CATSPERZ: variants seen among roughly 807,000 people sequenced by gnomAD.
The protein encoded by CATSPERZ is cation channel sperm-associated auxiliary subunit zeta.
A neutral mutation model predicts 21.7 loss-of-function variants in CATSPERZ; 21 were observed. The ratio of observed to expected loss-of-function variants is 0.97; its 90% CI spans 0.69 to 1.39. The LOEUF is 1.39. Among genes scored for constraint, CATSPERZ ranks in the 40% most tolerant of loss-of-function variants. The probability of loss-of-function intolerance (pLI) is 0.00; values close to 1 mark genes in which losing one functional copy is unlikely to be tolerated. For missense variants in CATSPERZ, 234 were observed against 259.5 expected (o/e 0.90, Z 0.68); for synonymous variants, 127 against 108.7 (o/e 1.17, Z -1.05).
intron 2 of CATSPERZ, among the ~76,000 whole-genome samples, chr11:64,302,968 C>T (rs948487978): frequency 5.1e-5 from 7 of 138,374 alleles, no homozygotes; most frequent in East Asian, 2.2e-4. Flanking sequence ...TGTACGATCT[C>T]GGCTCAGTGC....
chr11:64,300,608 G>A, intron 1 of CATSPERZ, 49 bp from the exon 2 acceptor site: 5 of 1,486,732 alleles, frequency 3.4e-6, no homozygotes, highest in Non-Finnish European at 4.5e-6. Flanking sequence ...CTTCCTTCCC[G>A]CTCCAGCCAT....
At chr11:64,304,221 T>G (rs650012) in intron 4 of CATSPERZ, among the ~76,000 whole-genome samples, 149,454 of 152,214 alleles carry the variant, frequency 0.98, 73,428 homozygotes, top group Middle Eastern at 1. Flanking sequence ...TTTGCTGCTG[T>G]GGTAGGAAAG....
Position 64,303,654 on chromosome 11 carries a change from G to A in CATSPERZ, c.432+93G>A. Reference sequence around the variant, plus strand: ...ATATGAAAGTTGGGGGTGGTTGGCAGGGTGGAGGGGCAGGCAGGCTGGTTG... The same window carrying A: ...ATATGAAAGTTGGGGGTGGTTGGCAAGGTGGAGGGGCAGGCAGGCTGGTTG... On this transcript the variant is annotated intron_variant, in intron 3 of 4. Coordinates refer to ENST00000328404, the MANE Select transcript of CATSPERZ (RefSeq NM_001039496.2). The A allele has an allele frequency of 2.0e-6, 3 of 1,477,598 alleles. No individual in the cohort carries two copies. The South Asian group carries it at 3.7e-5, about 18-fold the overall frequency. 91.5% of individuals were successfully genotyped at this position (1,477,598 alleles called of 1,614,324 possible).
chr11:64,300,562 T>A, intron 1 of CATSPERZ, 95 bp from the exon 2 acceptor site: 3 of 1,519,382 alleles, frequency 2.0e-6, no homozygotes, highest in Non-Finnish European at 2.7e-6. Context: ...TTCTACGGGA[T>A]CCCCAACCCG....
Position 64,300,692 on chromosome 11 carries a change from C to A in CATSPERZ, c.57C>A (p.Asp19Glu), listed in dbSNP as rs368010471. The A allele has an allele frequency of 1.9e-6, 3 of 1,545,534 alleles. No homozygotes were observed. The highest frequency in any genetic ancestry group is 1.2e-5 in the South Asian group (1 of 83,804). The change falls in exon 2 of 5, where the codon GAC (aspartate) becomes GAA (glutamate). Residue 19 changes from aspartate (D) to glutamate (E), a missense_variant. Transcript: ENST00000328404. The stretch of plus-strand genomic sequence containing the variant: ...AGTCTTCCGACCGCCAAGGCTCGGA[C>A]GAGGAGAGCGTGCATAGCGACACTC... ...SLKSSDRQGS[D>E]EESVHSDTRD...
At chr11:64,303,415 C>A in intron 2 of CATSPERZ, 67 bp from the exon 3 acceptor site, 1 of 1,326,034 alleles carries the variant, frequency 7.5e-7, no homozygotes, top group South Asian at 1.3e-5. Context: ...GGTGCCTACC[C>A]ATCTCCTGTG....
At chr11:64,300,468 C>G (rs1324642054) in intron 1 of CATSPERZ, 37 bp downstream of exon 1, 5 of 1,561,266 alleles carry the variant, frequency 3.2e-6, no homozygotes, top group African/African-American at 1.4e-5. Flanking sequence ...CCTGTCCGCT[C>G]CAACCCACCC....
intron 2 of CATSPERZ, 46 bp downstream of exon 2, chr11:64,301,033 C>T: frequency 2.8e-6 from 4 of 1,449,598 alleles, no homozygotes; most frequent in Non-Finnish European, 3.7e-6. Flanking sequence ...GGGCAATAAG[C>T]TGGCCAGGGA....
At chr11:64,300,556 A>G in intron 1 of CATSPERZ, 101 bp from the exon 2 acceptor site, 1 of 1,521,744 alleles carries the variant, frequency 6.6e-7, no homozygotes, top group Non-Finnish European at 8.9e-7. Flanking sequence ...CCCACGTTCT[A>G]CGGGATCCCC....
In CATSPERZ at chr11:64,304,706, G is replaced by C; in HGVS notation, c.*60G>C. The C allele has an allele frequency of 7.2e-7, 1 of 1,398,240 alleles. No homozygotes were observed. Among genetic ancestry groups the C allele is most frequent in the South Asian group, 1.2e-5 (1 of 80,482 alleles). 86.6% of individuals were successfully genotyped at this position (1,398,240 alleles called of 1,614,324 possible). A position where few individuals can be genotyped will look rare whatever the true frequency, so the allele number is the denominator to read the frequency against. On this transcript the variant is annotated 3_prime_UTR_variant, in exon 5 of 5. Coordinates refer to ENST00000328404, the MANE Select transcript of CATSPERZ (RefSeq NM_001039496.2). ...CAGCCCCGTGCCAGCCCGGTCCCCA[G>C]ACCCAAGCCTGACCCCATCCGAGTG...
At chr11:64,301,246 A>G (rs898451554) in intron 2 of CATSPERZ, among the ~76,000 whole-genome samples, 2 of 152,200 alleles carry the variant, frequency 1.3e-5, no homozygotes, top group African/African-American at 2.4e-5. Flanking sequence ...TAAATTGCGC[A>G]AAGACCCCGT....
In CATSPERZ at chr11:64,304,612, A is replaced by G; in HGVS notation, c.569A>G (p.Lys190Arg). ...KELQRYIEGL[K>R]KRRSKRLYVN ...CTGCAGCGATACATCGAAGGGCTCA[A>G]GAAGCGCCGGAGCAAGAGGCTGTAC... The change falls in exon 5 of 5, where the codon AAG becomes AGG. Residue 190 changes from lysine to arginine, a missense_variant. Physicochemically the swap from Lys to Arg is conservative, Grantham distance 26. Coordinates refer to ENST00000328404, the MANE Select transcript of CATSPERZ (RefSeq NM_001039496.2). 1 of 1,582,664 alleles carries G rather than the reference A, an allele frequency of 6.3e-7. No homozygotes were observed. The highest frequency in any genetic ancestry group is 8.6e-7 in the Non-Finnish European group (1 of 1,165,232).
At position 64,304,588 on chromosome 11, in the gene CATSPERZ, T is replaced by A. The variant is rs887445352; in HGVS notation, c.545T>A (p.Leu182Gln). ...AGGGACCACTTCCTGACTAAGGAGC[T>A]GCAGCGATACATCGAAGGGCTCAAG... ...IGRDHFLTKELQRYIEGLKKR... is the reference protein window; with the variant it reads ...IGRDHFLTKEQQRYIEGLKKR... The change falls in exon 5 of 5, where the codon CTG becomes CAG. Residue 182 changes from leucine (L) to glutamine (Q), a missense_variant. Physicochemically the swap from Leu to Gln is moderately radical, Grantham distance 113. Coordinates refer to ENST00000328404, the MANE Select transcript of CATSPERZ (RefSeq NM_001039496.2). 1.3e-6 allele frequency: 2 copies of A among 1,588,080 alleles called. No homozygotes were observed. Among genetic ancestry groups the A allele is most frequent in the African/African-American group, 2.7e-5 (2 of 74,196 alleles).
intron 4 of CATSPERZ, 92 bp downstream of exon 4, chr11:64,303,931 C>T: frequency 7.7e-7 from 1 of 1,299,628 alleles, no homozygotes; most frequent in East Asian, 2.5e-5. Context: ...TTCAGGGTGC[C>T]TTATGTCTTG....
chr11:64,302,064 A>G (rs936868596), intron 2 of CATSPERZ, among the ~76,000 whole-genome samples: 2 of 152,158 alleles, frequency 1.3e-5, no homozygotes, highest in Admixed American at 6.5e-5. Context: ...ACGTCTTTCC[A>G]TTAGTCAGTT....
intron 4 of CATSPERZ, 72 bp downstream of exon 4, chr11:64,303,911 GGGGTGGGGTTTCA>G: frequency 1.3e-6 from 2 of 1,498,546 alleles, no homozygotes; most frequent in Non-Finnish European, 1.8e-6. Context: ...GGGGCCCAGG[GGGGTGGGGTTTCA>G]GGGTGCCTTA....
intron 2 of CATSPERZ, 131 bp downstream of exon 2, chr11:64,301,118 C>G (rs2034918164): frequency 6.4e-6 from 6 of 938,336 alleles, no homozygotes; most frequent in Non-Finnish European, 9.3e-6. Flanking sequence ...GAGAGGCGCC[C>G]GCGCCAATCT....
At chr11:64,300,567 A>C in intron 1 of CATSPERZ, 90 bp from the exon 2 acceptor site, 4 of 1,500,080 alleles carry the variant, frequency 2.7e-6, no homozygotes, top group Non-Finnish European at 3.6e-6. Flanking sequence ...CGGGATCCCC[A>C]ACCCGGCCCG....
intron 4 of CATSPERZ, 26 bp downstream of exon 4, chr11:64,303,865 A>T (rs1349274026): frequency 1.9e-6 from 3 of 1,581,618 alleles, no homozygotes; most frequent in African/African-American, 2.7e-5. Flanking sequence ...ACCCCCAAGA[A>T]CTCCCACGAC....
Sources: allele counts gnomAD v4.1 joint callset (sites outside exome capture counted in the v4.1 genomes callset), GRCh38; gene constraint gnomAD v4.1.1; transcripts MANE v1.5; gene names NCBI Gene and HGNC (gene_info 2026-07-23, HGNC 2026-07-21).